Variants in RPE observed in about 807,000 individuals in gnomAD.
The protein encoded by RPE is ribulose-phosphate 3-epimerase.
RPE carries 16 observed loss-of-function variants against 24.6 expected under a neutral mutation model. That is an observed-to-expected ratio of 0.65 (90% CI 0.44 to 0.99). The LOEUF is 0.99. Among genes scored for constraint, RPE ranks in the 50% least tolerant of loss-of-function variants. RPE has a pLI of 0.00. For synonymous variants in RPE, 93 were observed against 98.4 expected (o/e 0.94, Z 0.33); for missense variants, 240 against 294.5 (o/e 0.81, Z 1.35).
intron 5 of RPE, chr2:210,017,791 T>C (rs988552308): frequency 1.6e-6 from 1 of 621,284 alleles, no homozygotes; most frequent in Non-Finnish European, 2.9e-6. Context: ...GTGGCCCAGA[T>C]TGGAGTGCAG....
Position 210,002,766 on chromosome 2 carries a change from C to T in RPE, c.105C>T (p.His35=). The T allele has an allele frequency of 1.2e-6, 2 of 1,614,186 alleles. No individual in the cohort carries two copies. Among genetic ancestry groups the T allele is most frequent in the Non-Finnish European group, 1.7e-6 (2 of 1,180,030 alleles). ...RMLDSGADYL[H]LDVMDGHFVP... ...TAGACTCTGGGGCCGATTATCTGCA[C>T]CTGGACGTAATGGACGGGTAACTCC... The change falls in exon 1 of 6, where the codon CAC becomes CAT. Residue 35 remains histidine, a synonymous_variant. Coordinates refer to ENST00000359429, the MANE Select transcript of RPE (RefSeq NM_199229.3).
At chr2:210,014,535 A>G (rs1165995585) in intron 2 of RPE, among the ~76,000 whole-genome samples, 1 of 152,140 alleles carries the variant, frequency 6.6e-6, no homozygotes, top group South Asian at 2.1e-4. Flanking sequence ...GCCCATACCT[A>G]TAATCCCTGC....
At position 210,008,664 on chromosome 2, in the gene RPE, G is replaced by C. The variant is rs1310298443; in HGVS notation, c.123-993G>C. Among the ~76,000 whole-genome samples, 2 of 151,776 alleles carry C rather than the reference G, an allele frequency of 1.3e-5. 1 individual carries two copies. The highest frequency in any genetic ancestry group is 3.9e-4 in the East Asian group (2 of 5,128). ...TTAACTGGAGTAGGGTAAAGGATAAGTACCGTGGGTCTGGTAGACTTGATT... is the reference window on the plus strand; with the variant it reads ...TTAACTGGAGTAGGGTAAAGGATAACTACCGTGGGTCTGGTAGACTTGATT... On this transcript the variant is annotated intron_variant, in intron 1 of 5. Coordinates refer to ENST00000359429, the MANE Select transcript of RPE (RefSeq NM_199229.3).
chr2:210,017,415 C>A, intron 4 of RPE, 58 bp from the exon 5 acceptor site: 3 of 987,278 alleles, frequency 3.0e-6, no homozygotes, highest in South Asian at 1.5e-5. Context: ...TCCCCCACCC[C>A]CACCCCCACC....
At chr2:210,002,928 G>T in intron 1 of RPE, 145 bp downstream of exon 1, 10 of 1,492,314 alleles carry the variant, frequency 6.7e-6, no homozygotes, top group East Asian at 2.3e-5. Flanking sequence ...TGGGGTAGGA[G>T]CCCTGGAGGC....
At position 210,020,703 on chromosome 2, in the gene RPE, A is replaced by G. The variant is rs1239784951; in HGVS notation, c.*912A>G. 2 of 166,012 alleles carry G rather than the reference A, an allele frequency of 1.2e-5. No individual in the cohort carries two copies. The highest frequency in any genetic ancestry group is 2.9e-5 in the Non-Finnish European group (2 of 68,070). The allele number at this position is 166,012 out of a possible 1,614,324, so 10.3% of individuals were successfully genotyped here. ...TGCTCAACACAAAGTAAACAGCATT[A>G]TATAAGTTTATATTTTTGTGAGTTA... On this transcript the variant is annotated 3_prime_UTR_variant, in exon 6 of 6. Coordinates refer to ENST00000359429, the MANE Select transcript of RPE (RefSeq NM_199229.3).
chr2:210,016,720 T>C, intron 4 of RPE, 79 bp downstream of exon 4: 1 of 1,595,490 alleles, frequency 6.3e-7, no homozygotes, highest in African/African-American at 1.3e-5. Flanking sequence ...GGCTTGTATA[T>C]TTAGGCATAA....
chr2:210,019,045 G>T (rs1024135492), intron 5 of RPE, among the ~76,000 whole-genome samples: 1 of 152,140 alleles, frequency 6.6e-6, no homozygotes, highest in South Asian at 2.1e-4. Flanking sequence ...AGGAAGATCA[G>T]AGTTAAATTT....
intron 5 of RPE, chr2:210,018,237 GA>G: frequency 1.3e-6 from 2 of 1,525,430 alleles, no homozygotes; most frequent in Non-Finnish European, 8.7e-7. Context: ...ACCAAGGGGG[GA>G]AAATAGATAA....
chr2:210,010,988 C>T (rs186207172), intron 2 of RPE, among the ~76,000 whole-genome samples: 30 of 152,240 alleles, frequency 2.0e-4, no homozygotes, highest in African/African-American at 7.2e-4. Flanking sequence ...ACGTTAATCA[C>T]ATTGCAAGTC....
Position 210,002,867 on chromosome 2 carries a change from C to T in RPE, c.122+84C>T. 4.4e-6 allele frequency: 7 copies of T among 1,607,734 alleles called. No homozygotes were observed. In the South Asian group the frequency reaches 6.6e-5, roughly 15 times the overall value. ...TATTGACTGCTTGTTGGATGTACCG[C>T]GTCCCTGTACCACCGAGCGCCTCAC... On this transcript the variant is annotated intron_variant, in intron 1 of 5. Coordinates refer to ENST00000359429, the MANE Select transcript of RPE (RefSeq NM_199229.3).
intron 1 of RPE, among the ~76,000 whole-genome samples, chr2:210,007,169 T>A (rs963763024): frequency 1.3e-5 from 2 of 152,262 alleles, no homozygotes; most frequent in African/African-American, 4.8e-5. Flanking sequence ...AGGGTTGTTG[T>A]GAGGTTTTAA....
Position 210,003,422 on chromosome 2 carries a change from T to A in RPE, c.122+639T>A, listed in dbSNP as rs760065825. 1.2e-5 allele frequency: 16 copies of A among 1,282,940 alleles called. 1 individual carries two copies. The South Asian group carries it at 2.0e-4, about 16-fold the overall frequency. The allele number at this position is 1,282,940 out of a possible 1,614,324, so 79.5% of individuals were successfully genotyped here. A position where few individuals can be genotyped will look rare whatever the true frequency, so the allele number is the denominator to read the frequency against. On this transcript the variant is annotated intron_variant, in intron 1 of 5. Coordinates refer to ENST00000359429, the MANE Select transcript of RPE (RefSeq NM_199229.3). The stretch of plus-strand genomic sequence containing the variant: ...CATTATTACAATTCTGATTTTCCTG[T>A]CTATTTTCTCTTCAGGCACCCTGCT...
chr2:210,017,911 A>AT (rs1170342267), intron 5 of RPE: 39 of 528,506 alleles, frequency 7.4e-5, no homozygotes, highest in Non-Finnish European at 1.3e-4. Context: ...TGCTTGGCTA[A>AT]TTTTTTTATT....
chr2:210,009,352 C>G (rs2093671568), intron 1 of RPE, among the ~76,000 whole-genome samples: 2 of 152,142 alleles, frequency 1.3e-5, no homozygotes, highest in African/African-American at 4.8e-5. Flanking sequence ...GTGACTTGGG[C>G]AAGTCATAAA....
At chr2:210,003,839 A>C (rs1339132223) in intron 1 of RPE, among the ~76,000 whole-genome samples, 1 of 152,140 alleles carries the variant, frequency 6.6e-6, no homozygotes, top group Non-Finnish European at 1.5e-5. Flanking sequence ...GAAGAGTTTT[A>C]TCTTCCATTG....
At chr2:210,016,682 G>C in intron 4 of RPE, 41 bp downstream of exon 4, 1 of 1,612,878 alleles carries the variant, frequency 6.2e-7, no homozygotes, top group East Asian at 2.2e-5. Flanking sequence ...CTTTTACAGT[G>C]TGTTCATTCA....
chr2:210,003,569 G>A lies in RPE; in HGVS notation c.122+786G>A, dbSNP rs2093591874. 19 of 641,624 alleles carry A rather than the reference G, an allele frequency of 3.0e-5. 1 individual carries two copies. Among genetic ancestry groups the A allele is most frequent in the South Asian group, 2.9e-4 (18 of 61,756 alleles). 39.7% of individuals were successfully genotyped at this position (641,624 alleles called of 1,614,324 possible). A position where few individuals can be genotyped will look rare whatever the true frequency, so the allele number is the denominator to read the frequency against. ...TACAGAATGAGGAAACAACCCCAGA[G>A]AAAGCAGTAAGACTCCCTCAAGATT... On this transcript the variant is annotated intron_variant, in intron 1 of 5. Transcript: ENST00000359429.
intron 5 of RPE, chr2:210,018,227 A>G: frequency 2.0e-6 from 3 of 1,530,524 alleles, no homozygotes; most frequent in Non-Finnish European, 2.6e-6. Context: ...AAAAGGTACT[A>G]CCAAGGGGGG....
Sources: allele counts gnomAD v4.1 joint callset (sites outside exome capture counted in the v4.1 genomes callset), GRCh38; gene constraint gnomAD v4.1.1; transcripts MANE v1.5; gene names NCBI Gene and HGNC (gene_info 2026-07-23, HGNC 2026-07-21).